PI4KA: variants seen among roughly 807,000 people sequenced by gnomAD.
The protein encoded by PI4KA is PI4-kinase alpha.
A neutral mutation model predicts 271.4 loss-of-function variants in PI4KA; 122 were observed. The ratio of observed to expected loss-of-function variants is 0.45; its 90% CI spans 0.39 to 0.52. PI4KA has a LOEUF of 0.52. PI4KA is among the 20% of genes least tolerant of loss of function. PI4KA has a pLI of 0.00. For missense variants in PI4KA, 1,969 were observed against 2,769.1 expected (o/e 0.71, Z 6.48); for synonymous variants, 1,041 against 1,078.8 (o/e 0.96, Z 0.69).
At chr22:20,774,756 G>A (rs547455551) in intron 19 of PI4KA, among the ~76,000 whole-genome samples, 11 of 110,704 alleles carry the variant, frequency 9.9e-5, no homozygotes, top group Non-Finnish European at 1.6e-4. Context: ...GTTAGACTCC[G>A]TCAAAAAAAA....
rs1047456093 is a variant in PI4KA, at chr22:20,765,342, C to A, written c.2438-106G>T. 4.1e-6 allele frequency: 5 copies of A among 1,224,098 alleles called. No homozygotes were observed. In the African/African-American group the frequency reaches 7.6e-5, roughly 19 times the overall value. The allele number at this position is 1,224,098 out of a possible 1,614,324, so 75.8% of individuals were successfully genotyped here. On this transcript the variant is annotated intron_variant, in intron 20 of 54. Transcript: ENST00000255882. Reference sequence around the variant, plus strand: ...CATGGGTCCTTTGAGACAATTATCCCAAAAACTAGGCACAGAAACGAAGTC... The same window carrying A: ...CATGGGTCCTTTGAGACAATTATCCAAAAAACTAGGCACAGAAACGAAGTC...
chr22:20,802,142 C>G, intron 13 of PI4KA, 37 bp from the exon 14 acceptor site: 1 of 1,592,140 alleles, frequency 6.3e-7, no homozygotes, highest in Non-Finnish European at 8.6e-7. Context: ...CCTAGTTAGG[C>G]CTATCATTTT....
intron 3 of PI4KA, among the ~76,000 whole-genome samples, chr22:20,834,006 G>A (rs960323248): frequency 3.3e-5 from 5 of 151,916 alleles, no homozygotes; most frequent in African/African-American, 9.7e-5. Flanking sequence ...TGCCCACCTC[G>A]GCCTCCCAGA....
intron 32 of PI4KA, among the ~76,000 whole-genome samples, chr22:20,739,228 C>G (rs1347662523): frequency 1.3e-5 from 2 of 151,554 alleles, no homozygotes; most frequent in Admixed American, 6.6e-5. Context: ...CGCCTGTAGT[C>G]TCAGCTACTC....
At chr22:20,808,806 G>A (rs1258977773) in intron 9 of PI4KA, among the ~76,000 whole-genome samples, 1 of 151,832 alleles carries the variant, frequency 6.6e-6, no homozygotes, top group African/African-American at 2.4e-5. Flanking sequence ...AGCCTCCTGA[G>A]TAGCAGGGAC....
intron 3 of PI4KA, among the ~76,000 whole-genome samples, chr22:20,832,576 C>T (rs1324018372): frequency 1.3e-5 from 2 of 152,144 alleles, no homozygotes; most frequent in East Asian, 3.8e-4. Flanking sequence ...GCCTCAGCCA[C>T]GCAAGTAGCT....
chr22:20,796,550 A>C (rs901565840), intron 17 of PI4KA, among the ~76,000 whole-genome samples: 12 of 152,216 alleles, frequency 7.9e-5, no homozygotes, highest in African/African-American at 2.9e-4. Flanking sequence ...TCTCTCCTGA[A>C]ATGTAGTAAG....
Position 20,753,010 on chromosome 22 carries a change from G to A in PI4KA, c.2880C>T (p.Asn960=), listed in dbSNP as rs527613297. 33 of 1,614,162 alleles carry A rather than the reference G, an allele frequency of 2.0e-5. No homozygotes were observed. Among genetic ancestry groups the A allele is most frequent in the African/African-American group, 4.0e-5 (3 of 75,016 alleles). ...GAGCGTGCCGCTCCAGCTCCTCCTCGTTCTCCTTGGTCTTGGCCTAGAGAT... is the reference window on the plus strand; with the variant it reads ...GAGCGTGCCGCTCCAGCTCCTCCTCATTCTCCTTGGTCTTGGCCTAGAGAT... ...MMADKAKTKE[N]EEELERHAQF... is the part of the protein sequence containing the mutation. The change falls in exon 25 of 55, where the codon AAC becomes AAT. Residue 960 remains asparagine, a synonymous_variant. Coordinates refer to ENST00000255882, the MANE Select transcript of PI4KA (RefSeq NM_058004.4).
At chr22:20,786,516 G>A (rs1934240735) in intron 19 of PI4KA, among the ~76,000 whole-genome samples, 1 of 152,152 alleles carries the variant, frequency 6.6e-6, no homozygotes, top group African/African-American at 2.4e-5. Context: ...AACCAATCGG[G>A]CGCTCAGCAA....
chr22:20,802,171 T>C, intron 13 of PI4KA, 66 bp from the exon 14 acceptor site: 2 of 1,448,250 alleles, frequency 1.4e-6, no homozygotes, highest in African/African-American at 1.4e-5. Context: ...TTCTTTGTAA[T>C]TCAAAAACCA....
At chr22:20,803,487 G>A (rs1246987393) in intron 12 of PI4KA, among the ~76,000 whole-genome samples, 167 bp from the exon 13 acceptor site, 1 of 152,148 alleles carries the variant, frequency 6.6e-6, no homozygotes, top group Non-Finnish European at 1.5e-5. Context: ...GGAAGCGATG[G>A]TGCTGACTCT....
intron 19 of PI4KA, among the ~76,000 whole-genome samples, chr22:20,781,532 C>T (rs1201380508): frequency 2.0e-5 from 3 of 152,246 alleles, no homozygotes; most frequent in Non-Finnish European, 4.4e-5. Context: ...CCTGATCTGT[C>T]CACACACCTG....
chr22:20,732,766 C>T (rs1042851849), intron 36 of PI4KA, among the ~76,000 whole-genome samples: 17 of 152,190 alleles, frequency 1.1e-4, no homozygotes, highest in African/African-American at 4.1e-4. Context: ...GCCTCGGGTG[C>T]GTGTTTATGC....
intron 18 of PI4KA, among the ~76,000 whole-genome samples, chr22:20,794,721 G>A (rs1934874638): frequency 6.6e-6 from 1 of 152,102 alleles, no homozygotes; most frequent in African/African-American, 2.4e-5. Flanking sequence ...CTCCCACTCA[G>A]CGCCACAGGC....
Position 20,749,896 on chromosome 22 carries a change from T to C in PI4KA, c.3243+9A>G. 1 of 1,574,586 alleles carries C rather than the reference T, an allele frequency of 6.4e-7. No homozygotes were observed. Among genetic ancestry groups the C allele is most frequent in the South Asian group, 1.1e-5 (1 of 90,260 alleles). ...CTTATGGCAATTGCCTTTTGATGGT[T>C]TCAAGTACCTGCAGGTGGGACTTGG... On this transcript the variant is annotated intron_variant, in intron 28 of 54. Coordinates refer to ENST00000255882, the MANE Select transcript of PI4KA (RefSeq NM_058004.4).
intron 1 of PI4KA, among the ~76,000 whole-genome samples, chr22:20,846,835 C>CAAAAA (rs361933): frequency 6.5e-5 from 4 of 61,750 alleles, no homozygotes; most frequent in South Asian, 6.8e-4. Flanking sequence ...AGTGCAGGCT[C>CAAAAA]AAAAAAAAAA....
chr22:20,858,193 G>A (rs1275177889), intron 1 of PI4KA, among the ~76,000 whole-genome samples: 1 of 152,184 alleles, frequency 6.6e-6, no homozygotes, highest in African/African-American at 2.4e-5. Flanking sequence ...ATCGGAAGCA[G>A]AACCCCAGGT....
intron 45 of PI4KA, among the ~76,000 whole-genome samples, chr22:20,717,165 T>C (rs1017546802): frequency 3.3e-5 from 5 of 151,980 alleles, no homozygotes; most frequent in Non-Finnish European, 5.9e-5. Flanking sequence ...ACAGCGAAAC[T>C]CCATCTCAAA....
chr22:20,763,024 G>T (rs966800156), intron 22 of PI4KA, among the ~76,000 whole-genome samples: 3 of 94,726 alleles, frequency 3.2e-5, no homozygotes, highest in Non-Finnish European at 5.9e-5. Context: ...TTTTGGGGGG[G>T]GGGGGGGTTA....
Sources: allele counts gnomAD v4.1 joint callset (sites outside exome capture counted in the v4.1 genomes callset), GRCh38; gene constraint gnomAD v4.1.1; transcripts MANE v1.5; gene names NCBI Gene and HGNC (gene_info 2026-07-23, HGNC 2026-07-21).